Variants in ZZEF1 observed in about 807,000 individuals in gnomAD.
ZZEF1 encodes zinc finger ZZ-type and EF-hand domain-containing protein 1.
Under a neutral mutation model 342.8 loss-of-function variants are expected in ZZEF1, and 157 were observed. The ratio of observed to expected loss-of-function variants is 0.46; its 90% CI spans 0.40 to 0.52. The LOEUF (loss-of-function observed/expected upper bound fraction) is 0.52, where lower values mean the gene tolerates loss of function less well. ZZEF1 is among the 20% of genes least tolerant of loss of function. The pLI is 0.00. For synonymous variants in ZZEF1, 1,505 were observed against 1,429.1 expected (o/e 1.05, Z -1.20); for missense variants, 3,480 against 3,725.6 (o/e 0.93, Z 1.72).
chr17:4,070,605 A>T, intron 26 of ZZEF1, 79 bp downstream of exon 26: 1 of 1,447,842 alleles, frequency 6.9e-7, no homozygotes, highest in Non-Finnish European at 9.4e-7. Context: ...AAAATATTTT[A>T]AATGTTCACT....
In ZZEF1 at chr17:4,076,850, G is replaced by C; in HGVS notation, c.3111+18C>G. On this transcript the variant is annotated intron_variant, in intron 20 of 54. Coordinates refer to ENST00000381638, the MANE Select transcript of ZZEF1 (RefSeq NM_015113.4). The stretch of plus-strand genomic sequence containing the variant: ...ACCCCCTTCCGGTTCTTTACAAATA[G>C]CTGCTAGTTTTTCTTACCAGTTGAC... 6.2e-7 allele frequency: 1 copy of C among 1,613,906 alleles called. No homozygotes were observed.
At position 4,093,952 on chromosome 17, in the gene ZZEF1, T is replaced by G. The variant is rs140323350; in HGVS notation, c.1913+1879A>C. On this transcript the variant is annotated intron_variant, in intron 11 of 54. Transcript: ENST00000381638. ...GGTAACATCTGACACCATCGCCCAT[T>G]CCCTCAAACATTATTTTCCCTTGGC... Among the ~76,000 whole-genome samples, 3 of 152,278 alleles carry G rather than the reference T, an allele frequency of 2.0e-5. No homozygotes were observed. In the East Asian group the frequency reaches 5.8e-4, roughly 29 times the overall value.
chr17:4,073,189 A>T (rs1395232611), intron 24 of ZZEF1, among the ~76,000 whole-genome samples: 2 of 152,250 alleles, frequency 1.3e-5, no homozygotes, highest in East Asian at 3.8e-4. Context: ...TGGAAATAAA[A>T]ATGCTAATAG....
intron 38 of ZZEF1, among the ~76,000 whole-genome samples, chr17:4,043,664 T>C (rs1357812235): frequency 1.3e-5 from 2 of 152,202 alleles, no homozygotes; most frequent in Non-Finnish European, 2.9e-5. Flanking sequence ...TTCCACTCCA[T>C]CCCTACACAC....
At position 4,105,813 on chromosome 17, in the gene ZZEF1, G is replaced by C; in HGVS notation, c.1278-4C>G. On this transcript the variant is annotated splice_region_variant and splice_polypyrimidine_tract_variant and intron_variant, in intron 6 of 54. Transcript: ENST00000381638. ...AGGCATGTGCCGCAGCGCCTTCCTAGAAGAGGAAAATGTAAAATGTAATCA... is the reference window on the plus strand; with the variant it reads ...AGGCATGTGCCGCAGCGCCTTCCTACAAGAGGAAAATGTAAAATGTAATCA... 1.9e-6 allele frequency: 3 copies of C among 1,593,240 alleles called. No individual in the cohort carries two copies. The highest frequency in any genetic ancestry group is 2.6e-6 in the Non-Finnish European group (3 of 1,173,838).
At position 4,086,504 on chromosome 17, in the gene ZZEF1, A is replaced by C; in HGVS notation, c.2494T>G (p.Tyr832Asp). The change falls in exon 15 of 55, where the codon TAC (tyrosine) becomes GAC (aspartate). Residue 832 changes from tyrosine to aspartate, a missense_variant. Transcript: ENST00000381638. ...TCCCTACCATCACACAAGTGTGTGT[A>C]CAGCTCCTTGGCAGCCTCTACTCCT... ...PKGVEAAKEL[Y>D]THLCDVVDKV... 1 of 1,614,204 alleles carries C rather than the reference A, an allele frequency of 6.2e-7. No individual in the cohort carries two copies. The highest frequency in any genetic ancestry group is 8.5e-7 in the Non-Finnish European group (1 of 1,180,028).
At position 4,064,017 on chromosome 17, in the gene ZZEF1, C is replaced by T. The variant is rs568388249; in HGVS notation, c.4718+344G>A. On this transcript the variant is annotated intron_variant, in intron 29 of 54. Transcript: ENST00000381638. ...TGCTGGGATTACAGGCGTGAGCCAC[C>T]GCACCCAGCCTCAGCTAATTTTTAA... Among the ~76,000 whole-genome samples the T allele has an allele frequency of 8.6e-5, 13 of 151,862 alleles. No individual in the cohort carries two copies. The East Asian group carries it at 9.7e-4, about 11-fold the overall frequency.
intron 29 of ZZEF1, 103 bp downstream of exon 29, chr17:4,064,258 A>G: frequency 1.1e-6 from 1 of 931,234 alleles, no homozygotes; most frequent in Non-Finnish European, 1.6e-6. Flanking sequence ...GATCTATCCT[A>G]AATATTATTT....
chr17:4,097,258 AAAAAAGAAAAAG>A (rs576512336), intron 9 of ZZEF1, among the ~76,000 whole-genome samples: 5 of 151,408 alleles, frequency 3.3e-5, no homozygotes, highest in African/African-American at 7.3e-5. Context: ...TCTCAAAAAA[AAAAAAGAAAAAG>A]AAAAAGAAAA....
At position 4,014,727 on chromosome 17, in the gene ZZEF1, G is replaced by A. The variant is rs745668277; in HGVS notation, c.8146-212C>T. Reference sequence around the variant, plus strand: ...GGAGGCACAGCGGGGCAGGCAACACGGGGCCCCAGAGAAAGAGTGTCAGGC... The same window carrying A: ...GGAGGCACAGCGGGGCAGGCAACACAGGGCCCCAGAGAAAGAGTGTCAGGC... On this transcript the variant is annotated intron_variant, in intron 49 of 54. Transcript: ENST00000381638. The surrounding 1 kb of genome is among the most constrained non-coding windows in gnomAD (Gnocchi z 4.4). 5.3e-5 allele frequency among the ~76,000 whole-genome samples: 8 copies of A among 152,204 alleles called. No individual in the cohort carries two copies. The East Asian group carries it at 9.6e-4, about 18-fold the overall frequency.
At chr17:4,031,507 C>T (rs1039754877) in intron 42 of ZZEF1, among the ~76,000 whole-genome samples, 12 of 151,996 alleles carry the variant, frequency 7.9e-5, no homozygotes, top group African/African-American at 2.4e-4. Context: ...AACAAATGGT[C>T]CTGGATCAAA....
chr17:4,104,493 A>T, intron 8 of ZZEF1, 140 bp downstream of exon 8: 3 of 864,472 alleles, frequency 3.5e-6, no homozygotes, highest in Non-Finnish European at 5.3e-6. Flanking sequence ...TACTCAGAGG[A>T]TACGTTCATC....
intron 2 of ZZEF1, among the ~76,000 whole-genome samples, chr17:4,122,158 C>T (rs537091351): frequency 6.6e-6 from 1 of 152,194 alleles, no homozygotes; most frequent in Admixed American, 6.5e-5. Flanking sequence ...TCCATTGCTG[C>T]CCTAGTGACC....
intron 16 of ZZEF1, among the ~76,000 whole-genome samples, chr17:4,084,555 C>A (rs7223923): frequency 0.15 from 23,182 of 152,152 alleles, 1,932 homozygotes; most frequent in African/African-American, 0.22. Context: ...AACACAGGAA[C>A]CTGTGAAGTT....
rs747755512 is a variant in ZZEF1, at chr17:4,032,946, C to T, written c.6641G>A (p.Ser2214Asn). 6 of 1,610,080 alleles carry T rather than the reference C, an allele frequency of 3.7e-6. No individual in the cohort carries two copies. The South Asian group carries it at 4.4e-5, about 12-fold the overall frequency. ...AATGACATCACGCCACAGTGGGGCA[C>T]TGTTGAGTGACCGCAGGATCTCTGC... ...SMAEILRSLNSAPLWRDVIAT... is the reference protein window; with the variant it reads ...SMAEILRSLNNAPLWRDVIAT... Residue 2214 changes from serine (S) to asparagine (N), a missense_variant, in exon 41 of 55, where the codon AGT becomes AAT. Ser to Asn is a conservative substitution (Grantham distance 46, BLOSUM62 1). This residue lies in a region of ZZEF1 where 1,269 missense variants were observed against 1,342.4 expected (regional missense o/e 0.95). Transcript: ENST00000381638.
chr17:4,008,764 T>C lies in ZZEF1; in HGVS notation c.8805+119A>G. 1 of 1,457,830 alleles carries C rather than the reference T, an allele frequency of 6.9e-7. No homozygotes were observed. Among genetic ancestry groups the C allele is most frequent in the South Asian group, 1.4e-5 (1 of 72,236 alleles). The allele number at this position is 1,457,830 out of a possible 1,614,324, so 90.3% of individuals were successfully genotyped here. A position where few individuals can be genotyped will look rare whatever the true frequency, so the allele number is the denominator to read the frequency against. ...TGACTGAACTGGAACAAGCTCTGTG[T>C]AAGCTCCGGGTGGATTCTGTCCTAC... On this transcript the variant is annotated intron_variant, in intron 54 of 54. Coordinates refer to ENST00000381638, the MANE Select transcript of ZZEF1 (RefSeq NM_015113.4). This position sits in a 1 kb window ranked among gnomAD's most constrained non-coding sequence, Gnocchi z 4.2.
intron 29 of ZZEF1, 125 bp downstream of exon 29, chr17:4,064,236 A>C (rs569139134): frequency 2.4e-6 from 2 of 822,024 alleles, no homozygotes; most frequent in Non-Finnish European, 1.8e-6. Flanking sequence ...TGAATATTCT[A>C]AAACAAGTCT....
In ZZEF1 at chr17:4,064,524, G is replaced by C. The variant is rs774141698; in HGVS notation, c.4555C>G (p.Pro1519Ala). The C allele has an allele frequency of 6.2e-7, 1 of 1,614,218 alleles. No individual in the cohort carries two copies. The highest frequency in any genetic ancestry group is 1.1e-5 in the South Asian group (1 of 91,086). The stretch of plus-strand genomic sequence containing the variant: ...GGAGGCCGGCGGGTGGGTGTGGAAG[G>C]TGACAAGGGCTCTTCAGCTGTGGCA... ...SPATAEEPLS[P>A]STPTRRPPFT... is the part of the protein sequence containing the mutation. Residue 1519 changes from proline to alanine, a missense_variant, in exon 29 of 55, where the codon CCT (proline) becomes GCT (alanine). Physicochemically the swap from Pro to Ala is conservative, Grantham distance 27. Transcript: ENST00000381638.
chr17:4,076,606 ACGGGGCG>A, intron 21 of ZZEF1, 24 bp downstream of exon 21: 1 of 1,593,044 alleles, frequency 6.3e-7, no homozygotes, highest in Non-Finnish European at 8.6e-7. Flanking sequence ...GAGAGAGAAC[ACGGGGCG>A]GCTCAAGTGC....
Sources: gnomAD v4.1 joint callset for allele counts (sites outside exome capture counted in the v4.1 genomes callset) on GRCh38, gnomAD v4.1.1 for gene constraint, gnomAD v4.1.1 regional missense constraint, Gnocchi (gnomAD v3.1) non-coding constraint, MANE v1.5 for transcripts, NCBI Gene and HGNC (gene_info 2026-07-23, HGNC 2026-07-21) for gene names.